The following ZUP1 variants were observed in gnomAD, a reference collection of about 807,000 sequenced individuals.
The protein encoded by ZUP1 is zinc finger containing ubiquitin peptidase 1.
In ZUP1, 55 loss-of-function variants were observed where a neutral mutation model predicts 68.1. That is an observed-to-expected ratio of 0.81 (90% CI 0.65 to 1.01). The LOEUF is 1.01. Among genes scored for constraint, ZUP1 ranks in the 50% least tolerant of loss-of-function variants. The probability of loss-of-function intolerance (pLI) is 0.00; values close to 1 mark genes in which losing one functional copy is unlikely to be tolerated. For missense variants in ZUP1, 684 were observed against 674.9 expected (o/e 1.01, Z -0.15); for synonymous variants, 223 against 221.5 (o/e 1.01, Z -0.06).
intron 7 of ZUP1, among the ~76,000 whole-genome samples, chr6:116,649,162 T>C (rs1214477744): frequency 6.6e-6 from 1 of 152,108 alleles, no homozygotes; most frequent in Non-Finnish European, 1.5e-5. Context: ...CACACAACAT[T>C]AGTTTTTCTA....
intron 4 of ZUP1, 152 bp from the exon 5 acceptor site, chr6:116,657,004 AACAC>A (rs3033987): frequency 0.23 from 93,601 of 412,512 alleles, 11,932 homozygotes; most frequent in Admixed American, 0.34. Flanking sequence ...AAAAACTAAT[AACAC>A]ACACACACAC....
chr6:116,647,479 G>A lies in ZUP1; in HGVS notation c.1448C>T (p.Pro483Leu), dbSNP rs759536208. 4 of 1,571,604 alleles carry A rather than the reference G, an allele frequency of 2.5e-6. No homozygotes were observed. The highest frequency in any genetic ancestry group is 3.5e-6 in the Non-Finnish European group (4 of 1,153,922). Residue 483 changes from proline to leucine, a missense_variant, in exon 8 of 10, where the codon CCT (proline) becomes CTT (leucine). Transcript: ENST00000368576. ...CTAACCTTGATGCTGAAGATAGATA[G>A]GAGGTTTAGATGTACACACTACCTT... ...SPKVVCTSKPPIYLQHQGHSR... is the reference protein window; with the variant it reads ...SPKVVCTSKPLIYLQHQGHSR...
chr6:116,665,882 C>T (rs1330746876), intron 2 of ZUP1, among the ~76,000 whole-genome samples: 1 of 151,352 alleles, frequency 6.6e-6, no homozygotes, highest in African/African-American at 2.4e-5. Context: ...TGAGCCACAA[C>T]ACCTGGCTCC....
chr6:116,658,770 T>A, intron 4 of ZUP1, 33 bp downstream of exon 4: 1 of 1,527,578 alleles, frequency 6.5e-7, no homozygotes. Context: ...CTTTACCAAA[T>A]CAAAATATTA....
intron 3 of ZUP1, 58 bp from the exon 4 acceptor site, chr6:116,658,982 T>C: frequency 7.3e-7 from 1 of 1,373,128 alleles, no homozygotes; most frequent in Non-Finnish European, 9.8e-7. Context: ...AGATTATTTA[T>C]TATTTAATAT....
At chr6:116,640,330 A>T (rs1776056886) in intron 9 of ZUP1, among the ~76,000 whole-genome samples, 1 of 152,232 alleles carries the variant, frequency 6.6e-6, no homozygotes, top group Non-Finnish European at 1.5e-5. Flanking sequence ...TTCAGGAAAT[A>T]CAGAGAATGC....
intron 9 of ZUP1, among the ~76,000 whole-genome samples, chr6:116,644,399 T>C (rs1039952632): frequency 3.9e-5 from 6 of 152,220 alleles, no homozygotes; most frequent in African/African-American, 1.4e-4. Context: ...CGTATGTTTA[T>C]TGCTGCACTA....
At chr6:116,656,574 A>C (rs1051628063) in intron 5 of ZUP1, 110 bp downstream of exon 5, 8 of 842,890 alleles carry the variant, frequency 9.5e-6, no homozygotes, top group Non-Finnish European at 1.4e-5. Flanking sequence ...ATTTTTAAAA[A>C]AATATTTGTG....
At chr6:116,651,447 A>T in intron 7 of ZUP1, 125 bp downstream of exon 7, 1 of 765,358 alleles carries the variant, frequency 1.3e-6, no homozygotes, top group Non-Finnish European at 2.0e-6. Context: ...GCTGATTTTC[A>T]TTGCTACTTA....
intron 5 of ZUP1, among the ~76,000 whole-genome samples, chr6:116,653,822 A>G (rs1162806442): frequency 2.6e-5 from 4 of 152,002 alleles, no homozygotes; most frequent in African/African-American, 7.2e-5. Context: ...ATTTTAGTAT[A>G]TATGTTACAT....
intron 9 of ZUP1, among the ~76,000 whole-genome samples, chr6:116,639,414 G>A (rs147842538): frequency 0.023 from 3,484 of 152,366 alleles, 68 homozygotes; most frequent in Middle Eastern, 0.099. Flanking sequence ...CCTGACCCCT[G>A]AGCAGCCTAA....
Position 116,667,067 on chromosome 6 carries a change from A to T in ZUP1, c.126T>A (p.Asp42Glu). Reference sequence around the variant, plus strand: ...CTGTTTCGATATGAAAACACATTTCATCATAATTCACACCTGACAACTTGC... The same window carrying T: ...CTGTTTCGATATGAAAACACATTTCTTCATAATTCACACCTGACAACTTGC... The part of the protein sequence containing the change: ...PFCKLSGVNY[D>E]EMCFHIETAH... Residue 42 changes from aspartate (D) to glutamate (E), a missense_variant, in exon 2 of 10, where the codon GAT becomes GAA. By Grantham distance (45) the Asp-to-Glu change is conservative. Transcript: ENST00000368576. The T allele has an allele frequency of 6.2e-7, 1 of 1,613,846 alleles. No individual in the cohort carries two copies. Among genetic ancestry groups the T allele is most frequent in the Non-Finnish European group, 8.5e-7 (1 of 1,179,878 alleles).
intron 1 of ZUP1, 141 bp from the exon 2 acceptor site, chr6:116,667,348 CA>C (rs1777044180): frequency 2.2e-6 from 1 of 444,968 alleles, no homozygotes; most frequent in Non-Finnish European, 3.8e-6. Context: ...TCCTCAAATA[CA>C]AAAACTTATT....
intron 4 of ZUP1, 65 bp downstream of exon 4, chr6:116,658,738 G>A: frequency 2.1e-6 from 3 of 1,431,714 alleles, no homozygotes; most frequent in Non-Finnish European, 2.8e-6. Flanking sequence ...ATAATACACT[G>A]GAAAGCATAT....
intron 9 of ZUP1, among the ~76,000 whole-genome samples, chr6:116,638,545 T>C (rs1350997371): frequency 6.6e-6 from 1 of 152,002 alleles, no homozygotes; most frequent in African/African-American, 2.4e-5. Context: ...GCCTTAGGAG[T>C]CACAAGAATC....
chr6:116,652,402 C>A (rs6912249), intron 5 of ZUP1, among the ~76,000 whole-genome samples: 87,705 of 151,876 alleles, frequency 0.58, 25,488 homozygotes, highest in South Asian at 0.66. Flanking sequence ...TATTACAGTT[C>A]ATTGAAATTT....
chr6:116,648,430 T>C (rs1460217285), intron 7 of ZUP1, among the ~76,000 whole-genome samples: 6 of 152,224 alleles, frequency 3.9e-5, no homozygotes, highest in Admixed American at 3.3e-4. Flanking sequence ...TGCTGGTAAC[T>C]TACAGTTGGT....
rs567701587 is a variant in ZUP1 at position 116,645,722 on chromosome 6, C to T, written c.1681G>A (p.Glu561Lys). The change falls in exon 9 of 10, where the codon GAG becomes AAG. Residue 561 changes from glutamate to lysine, a missense_variant. By Grantham distance (56) the Glu-to-Lys change is moderately conservative. Coordinates refer to ENST00000368576, the MANE Select transcript of ZUP1 (RefSeq NM_145062.3). ...AATATTTAGATACTTACAAGTTTCT[C>T]CTCTAGAGAAAGAGCACCCTCTACT... ...LAVEGALSLE[E>K]KLARRQASQV... is the part of the protein sequence containing the mutation. 4 of 1,607,548 alleles carry T rather than the reference C, an allele frequency of 2.5e-6. No individual in the cohort carries two copies. In the African/African-American group the frequency reaches 5.4e-5, roughly 22 times the overall value.
In ZUP1 at chr6:116,652,179, T is replaced by C. The variant is rs1311710601; in HGVS notation, c.975A>G (p.Ala325=). 2 of 1,610,714 alleles carry C rather than the reference T, an allele frequency of 1.2e-6. No individual in the cohort carries two copies. Among genetic ancestry groups the C allele is most frequent in the Admixed American group, 3.4e-5 (2 of 59,226 alleles). ...GKTKTSGIIE[A]LHRYYQNAAT... ...CAGCATTCTGATAATACCTATGAAG[T>C]GCTTCAATAATTCCTAAAGTAGAAA... The change falls in exon 6 of 10, where the codon GCA becomes GCG. Residue 325 remains alanine, a synonymous_variant. Transcript: ENST00000368576.
Sources: allele counts gnomAD v4.1 joint callset (sites outside exome capture counted in the v4.1 genomes callset), GRCh38; gene constraint gnomAD v4.1.1; transcripts MANE v1.5; gene names NCBI Gene and HGNC (gene_info 2026-07-23, HGNC 2026-07-21).